The following COBL variants were observed in gnomAD, a reference collection of about 807,000 sequenced individuals.
COBL encodes the protein protein cordon-bleu.
A neutral mutation model predicts 98.8 loss-of-function variants in COBL; 51 were observed. The ratio of observed to expected loss-of-function variants is 0.52; its 90% CI spans 0.41 to 0.65. The LOEUF (loss-of-function observed/expected upper bound fraction) is 0.65, where lower values mean the gene tolerates loss of function less well. COBL is among the 30% of genes least tolerant of loss of function. The pLI is 0.00. For synonymous variants in COBL, 634 were observed against 651.7 expected (o/e 0.97, Z 0.41); for missense variants, 1,617 against 1,617.5 (o/e 1.00, Z 0.01).
intron 6 of COBL, among the ~76,000 whole-genome samples, chr7:51,120,764 T>G (rs1352524044): frequency 6.6e-6 from 1 of 152,204 alleles, no homozygotes; most frequent in African/African-American, 2.4e-5. Flanking sequence ...GACAGGCTTG[T>G]TTCACTTAGC....
At chr7:51,277,513 ATCTC>A (rs1320919576) in intron 1 of COBL, among the ~76,000 whole-genome samples, 1 of 152,220 alleles carries the variant, frequency 6.6e-6, no homozygotes, top group Admixed American at 6.5e-5. Context: ...CACAGTGGTA[ATCTC>A]TCTCTGATAC....
At chr7:51,135,980 C>G (rs1248723809) in intron 6 of COBL, among the ~76,000 whole-genome samples, 178 bp downstream of exon 6, 1 of 152,174 alleles carries the variant, frequency 6.6e-6, no homozygotes, top group Non-Finnish European at 1.5e-5. Flanking sequence ...GAGTTAAAAT[C>G]ATGAGCCCTT....
chr7:51,296,129 G>T (rs1054948902), intron 1 of COBL, among the ~76,000 whole-genome samples: 1 of 152,176 alleles, frequency 6.6e-6, no homozygotes, highest in Non-Finnish European at 1.5e-5. Flanking sequence ...GATAACACTT[G>T]TTGTAATGGA....
At chr7:51,117,382 CT>C (rs930121422) in intron 6 of COBL, among the ~76,000 whole-genome samples, 1 of 151,460 alleles carries the variant, frequency 6.6e-6, no homozygotes, top group East Asian at 1.9e-4. Context: ...TGGGGATCTA[CT>C]TTTTTTTCCA....
chr7:51,182,189 G>A (rs1424346994), intron 5 of COBL, among the ~76,000 whole-genome samples: 1 of 151,784 alleles, frequency 6.6e-6, no homozygotes, highest in Admixed American at 6.6e-5. Flanking sequence ...GGTGAACACA[G>A]TCCCAGCCAA....
At chr7:51,223,690 C>T (rs1022281805) in intron 1 of COBL, among the ~76,000 whole-genome samples, 1 of 152,172 alleles carries the variant, frequency 6.6e-6, no homozygotes, top group African/African-American at 2.4e-5. Flanking sequence ...AAAACTATGT[C>T]GTCAGAGAAC....
At chr7:51,130,278 C>CAACT (rs1415302217) in intron 6 of COBL, among the ~76,000 whole-genome samples, 2 of 152,172 alleles carry the variant, frequency 1.3e-5, no homozygotes, top group African/African-American at 4.8e-5. Context: ...TCCAGGAGGC[C>CAACT]AACTGGCTGA....
At chr7:51,037,778 A>G (rs1788782582) in intron 8 of COBL, among the ~76,000 whole-genome samples, 2 of 152,252 alleles carry the variant, frequency 1.3e-5, no homozygotes, top group Non-Finnish European at 1.5e-5. Flanking sequence ...GTGAAAAATT[A>G]TAATCGGATA....
chr7:51,288,434 A>G (rs1042609971), intron 1 of COBL, among the ~76,000 whole-genome samples: 48 of 147,346 alleles, frequency 3.3e-4, no homozygotes, highest in African/African-American at 1.1e-3. Flanking sequence ...AAAAAAAAAA[A>G]AAAGAAAGAA....
rs112443178 is a variant in COBL at position 51,232,602 on chromosome 7, G to C, written c.42-12658C>G. ...CAAGGCGGGCGGATCATGAGGTCAG[G>C]AGATCGAGACCATCCTGGCTAACAC... is the stretch of plus-strand genomic sequence containing the variant. On this transcript the variant is annotated intron_variant, in intron 1 of 12. Transcript: ENST00000265136. Among the ~76,000 whole-genome samples, 1,435 of 152,276 alleles carry C rather than the reference G, an allele frequency of 9.4e-3. 11 individuals are homozygous for C. The highest frequency in any genetic ancestry group is 0.02 in the Middle Eastern group (6 of 294).
chr7:51,187,858 G>T, intron 4 of COBL: 1 of 1,198,600 alleles, frequency 8.3e-7, no homozygotes, highest in Non-Finnish European at 1.0e-6. Flanking sequence ...TCTGACCCCA[G>T]AGCCATGCAT....
Position 51,192,699 on chromosome 7 carries a change from A to T in COBL, c.456+680T>A, listed in dbSNP as rs571452770. Reference sequence around the variant, plus strand: ...AAAAGCCTGGAATATAGCTATGTATATAAGATATTCTCCAAATGCAATGAA... The same window carrying T: ...AAAAGCCTGGAATATAGCTATGTATTTAAGATATTCTCCAAATGCAATGAA... On this transcript the variant is annotated intron_variant, in intron 3 of 12. Transcript: ENST00000265136. 1.3e-4 allele frequency among the ~76,000 whole-genome samples: 20 copies of T among 152,348 alleles called. 1 individual carries two copies. The South Asian group carries it at 3.9e-3, about 30-fold the overall frequency.
chr7:51,066,954 T>C (rs575253245), intron 7 of COBL, among the ~76,000 whole-genome samples: 1 of 152,392 alleles, frequency 6.6e-6, no homozygotes, highest in African/African-American at 2.4e-5. Flanking sequence ...AACAACTAAC[T>C]GGCCATATTC....
At chr7:51,281,328 T>C (rs1258088132) in intron 1 of COBL, among the ~76,000 whole-genome samples, 1 of 152,178 alleles carries the variant, frequency 6.6e-6, no homozygotes, top group African/African-American at 2.4e-5. Flanking sequence ...AATTTTCATG[T>C]CAATGGGATC....
At chr7:51,182,625 G>A (rs1480372208) in intron 5 of COBL, among the ~76,000 whole-genome samples, 1 of 145,770 alleles carries the variant, frequency 6.9e-6, no homozygotes, top group Non-Finnish European at 1.5e-5. Flanking sequence ...TGACAGGAAA[G>A]GAAGCTAGGA....
rs142875452 is a variant in COBL, at chr7:51,017,134, A to G, written c.*417T>C. On this transcript the variant is annotated 3_prime_UTR_variant, in exon 13 of 13. Coordinates refer to ENST00000265136, the MANE Select transcript of COBL (RefSeq NM_015198.5). ...ATTCATATGTTTTTTCTAAAATTCA[A>G]AAGATCTTAAATCAGTAAGTAGTTT... 5.5e-3 allele frequency: 2,333 copies of G among 425,970 alleles called. 52 individuals are homozygous for G. The highest frequency in any genetic ancestry group is 0.043 in the African/African-American group (2,113 of 49,336). 26.4% of individuals were successfully genotyped at this position (425,970 alleles called of 1,614,324 possible). A position where few individuals can be genotyped will look rare whatever the true frequency, so the allele number is the denominator to read the frequency against.
intron 8 of COBL, chr7:51,032,935 T>C (rs1044986931): frequency 6.6e-6 from 1 of 152,214 alleles, no homozygotes; most frequent in African/African-American, 2.4e-5. Context: ...TGCTTGCTCT[T>C]AGTTTAGGAT....
chr7:51,218,781 A>T (rs561326694), intron 2 of COBL, among the ~76,000 whole-genome samples: 1 of 152,198 alleles, frequency 6.6e-6, no homozygotes, highest in Admixed American at 6.5e-5. Context: ...ATTTTATATC[A>T]TTTCTTATTC....
chr7:51,202,308 T>A (rs935700218), intron 2 of COBL, among the ~76,000 whole-genome samples: 7 of 152,182 alleles, frequency 4.6e-5, no homozygotes, highest in African/African-American at 1.7e-4. Flanking sequence ...TTCATGCTAG[T>A]TTTGCAGTTG....
Sources: gnomAD v4.1 joint callset for allele counts (sites outside exome capture counted in the v4.1 genomes callset) on GRCh38, gnomAD v4.1.1 for gene constraint, MANE v1.5 for transcripts, NCBI Gene and HGNC (gene_info 2026-07-23, HGNC 2026-07-21) for gene names.